The following KALRN variants were observed in gnomAD, a reference collection of about 807,000 sequenced individuals.
The protein encoded by KALRN is kalirin.
In KALRN, 70 loss-of-function variants were observed where a neutral mutation model predicts 353.7. The observed-to-expected ratio is 0.20, with a 90% CI of 0.16 to 0.24. The LOEUF is 0.24. KALRN is among the 10% of genes least tolerant of loss of function. The pLI is 1.00. For synonymous variants in KALRN, 1,391 were observed against 1,434.8 expected (o/e 0.97, Z 0.69); for missense variants, 2,791 against 3,756.7 (o/e 0.74, Z 6.72).
At chr3:124,718,840 G>A (rs1462985073) in intron 59 of KALRN, 85 bp from the exon 60 acceptor site, 14 of 1,254,936 alleles carry the variant, frequency 1.1e-5, no homozygotes, top group Non-Finnish European at 1.6e-5. Context: ...GCATAACTGT[G>A]TTTGAATTAA....
intron 34 of KALRN, among the ~76,000 whole-genome samples, chr3:124,614,133 C>G (rs2078291646): frequency 6.6e-6 from 1 of 152,272 alleles, no homozygotes; most frequent in East Asian, 1.9e-4. Flanking sequence ...TGTGTGCCCA[C>G]AAAGGCTAAA....
chr3:124,581,389 C>T (rs1400560154), intron 34 of KALRN, among the ~76,000 whole-genome samples: 1 of 61,760 alleles, frequency 1.6e-5, no homozygotes, highest in Non-Finnish European at 3.0e-5. Flanking sequence ...TGAGACTCTG[C>T]TCAAAAAAAA....
chr3:124,498,018 C>T (rs182693121), intron 33 of KALRN, among the ~76,000 whole-genome samples: 2 of 152,240 alleles, frequency 1.3e-5, no homozygotes, highest in East Asian at 3.9e-4. Flanking sequence ...AATGAGGGGT[C>T]CTAGTACTTA....
intron 47 of KALRN, among the ~76,000 whole-genome samples, chr3:124,671,391 C>T (rs544802154): frequency 2.4e-4 from 37 of 152,278 alleles, no homozygotes; most frequent in Middle Eastern, 3.4e-3. Flanking sequence ...AGCTCTCTTC[C>T]GAAGCTCTTT....
chr3:124,693,218 A>G (rs2061904744), intron 51 of KALRN, among the ~76,000 whole-genome samples: 1 of 152,094 alleles, frequency 6.6e-6, no homozygotes, highest in Non-Finnish European at 1.5e-5. Flanking sequence ...GAGAAAGAAG[A>G]GACAGACGAC....
chr3:124,151,345 G>T (rs577794013), intron 1 of KALRN, among the ~76,000 whole-genome samples: 41 of 152,246 alleles, frequency 2.7e-4, no homozygotes, highest in African/African-American at 9.9e-4. Context: ...CCAATATTTG[G>T]TATTATTTGT....
intron 36 of KALRN, 54 bp downstream of exon 36, chr3:124,634,007 G>A: frequency 6.9e-7 from 1 of 1,439,436 alleles, no homozygotes. Context: ...GCGTGATTTT[G>A]TTTTTTGTGT....
In KALRN at chr3:124,269,096, C is replaced by A. The variant is rs2073880240; in HGVS notation, c.810C>A (p.Ile270=). Residue 270 remains isoleucine, a synonymous_variant, in exon 5 of 60, where the codon ATC becomes ATA. Transcript: ENST00000682506. The stretch of plus-strand genomic sequence containing the variant: ...ACGGCTTCTCAGGACGCAACTGCAT[C>A]CCGGGCAGTGCTGACTTCCAGAGCC... ...CSDGFSGRNC[I]PGSADFQSLV... 1 of 1,612,892 alleles carries A rather than the reference C, an allele frequency of 6.2e-7. No homozygotes were observed. Among genetic ancestry groups the A allele is most frequent in the Non-Finnish European group, 8.5e-7 (1 of 1,179,618 alleles).
chr3:124,403,203 A>C lies in KALRN; in HGVS notation c.2346+4332A>C, dbSNP rs548522256. On this transcript the variant is annotated intron_variant, in intron 13 of 59. Coordinates refer to ENST00000682506, the MANE Select transcript of KALRN (RefSeq NM_001388419.1). ...TGCCATGTGGTCAGAGTGAGACTCC[A>C]GCACCAGTCTACTAATGAAAATCCT... Among the ~76,000 whole-genome samples, 4 of 152,362 alleles carry C rather than the reference A, an allele frequency of 2.6e-5. No individual in the cohort carries two copies. In the South Asian group the frequency reaches 8.3e-4, roughly 32 times the overall value.
At chr3:124,248,368 A>T (rs2148722050) in intron 3 of KALRN, among the ~76,000 whole-genome samples, 1 of 152,302 alleles carries the variant, frequency 6.6e-6, no homozygotes, top group South Asian at 2.1e-4. Flanking sequence ...CGGGGCTGTG[A>T]CCACAGGGGG....
At chr3:124,087,553 T>A (rs2060889219) in intron 1 of KALRN, among the ~76,000 whole-genome samples, 2 of 152,216 alleles carry the variant, frequency 1.3e-5, no homozygotes, top group South Asian at 4.1e-4. Flanking sequence ...TGACTCTGTT[T>A]TGTTACCTGT....
chr3:124,236,735 G>A (rs28436782), intron 3 of KALRN, among the ~76,000 whole-genome samples: 19,213 of 152,204 alleles, frequency 0.13, 2,058 homozygotes, highest in African/African-American at 0.29. Context: ...AAAGATTTCC[G>A]CTGGGGTGAA....
chr3:124,308,154 A>T (rs1381152614), intron 6 of KALRN, among the ~76,000 whole-genome samples: 1 of 152,078 alleles, frequency 6.6e-6, no homozygotes, highest in East Asian at 1.9e-4. Context: ...CTAACAAAAA[A>T]GTACCAAAAT....
At chr3:124,160,679 G>A (rs2069788353) in intron 1 of KALRN, among the ~76,000 whole-genome samples, 1 of 152,086 alleles carries the variant, frequency 6.6e-6, no homozygotes, top group Non-Finnish European at 1.5e-5. Context: ...GATTTCCTTA[G>A]GTACCACTCC....
chr3:124,420,122 G>C (rs1576775747), intron 14 of KALRN, among the ~76,000 whole-genome samples: 1 of 152,222 alleles, frequency 6.6e-6, no homozygotes, highest in Admixed American at 6.5e-5. Context: ...AATAAGCACT[G>C]TCTTCATCCA....
chr3:124,608,867 A>G (rs908577504), intron 34 of KALRN, among the ~76,000 whole-genome samples: 1 of 152,224 alleles, frequency 6.6e-6, no homozygotes, highest in Non-Finnish European at 1.5e-5. Context: ...GTTAAGAGTT[A>G]AGCTGGAAAT....
intron 38 of KALRN, 75 bp from the exon 39 acceptor site, chr3:124,655,526 T>G (rs1332612009): frequency 1.6e-6 from 2 of 1,226,790 alleles, no homozygotes; most frequent in Non-Finnish European, 2.4e-6. Context: ...CAAAGTAACT[T>G]TTCTGTGAAC....
At chr3:124,221,855 A>C (rs2077951699) in intron 1 of KALRN, among the ~76,000 whole-genome samples, 1 of 152,124 alleles carries the variant, frequency 6.6e-6, no homozygotes, top group Admixed American at 6.5e-5. Flanking sequence ...TCGGTATTTT[A>C]TTAGGCTGGA....
chr3:124,098,269 A>T (rs565965150), intron 1 of KALRN, among the ~76,000 whole-genome samples: 11 of 152,254 alleles, frequency 7.2e-5, no homozygotes, highest in African/African-American at 2.4e-4. Context: ...ACTGCTTGGC[A>T]CAGTCCAGAA....
Sources: allele counts gnomAD v4.1 joint callset (sites outside exome capture counted in the v4.1 genomes callset), GRCh38; gene constraint gnomAD v4.1.1; transcripts MANE v1.5; gene names NCBI Gene and HGNC (gene_info 2026-07-23, HGNC 2026-07-21).